MPP4: variants seen among roughly 807,000 people sequenced by gnomAD.
MPP4 encodes the protein MAGUK p55 subfamily member 4.
Under a neutral mutation model 98.3 loss-of-function variants are expected in MPP4, and 91 were observed. The observed-to-expected ratio is 0.93, with a 90% CI of 0.78 to 1.10. The LOEUF (loss-of-function observed/expected upper bound fraction) is 1.10. MPP4 is among the 50% of genes least tolerant of loss of function. MPP4 has a pLI of 0.00. For missense variants in MPP4, 744 were observed against 792.9 expected, an observed-to-expected ratio of 0.94 and a Z score of 0.74; for synonymous variants, 261 against 271.8, an observed-to-expected ratio of 0.96 and a Z score of 0.39.
intron 1 of MPP4, among the ~76,000 whole-genome samples, chr2:201,695,446 C>T (rs148870326): frequency 1.9e-4 from 29 of 152,278 alleles, no homozygotes; most frequent in African/African-American, 5.5e-4. Flanking sequence ...TGAATCCAGA[C>T]GCCAACTTTT....
At chr2:201,685,361 C>T (rs931552776) in intron 6 of MPP4, among the ~76,000 whole-genome samples, 11 of 152,174 alleles carry the variant, frequency 7.2e-5, no homozygotes, top group Non-Finnish European at 1.3e-4. Flanking sequence ...GACGGAGGGG[C>T]CACACAGTGC....
At chr2:201,694,176 G>A (rs551524694) in intron 1 of MPP4, 122 bp from the exon 2 acceptor site, 8 of 913,174 alleles carry the variant, frequency 8.8e-6, no homozygotes, top group South Asian at 7.4e-5. Flanking sequence ...CACCAGTGGC[G>A]TGAAAGAGAA....
chr2:201,656,348 G>T lies in MPP4; in HGVS notation c.1150C>A (p.Arg384Ser), dbSNP rs141592467. The change falls in exon 17 of 22, where the codon CGC (arginine) becomes AGC (serine). Residue 384 changes from arginine (R) to serine (S), a missense_variant. Arg to Ser is a moderately radical substitution (Grantham distance 110). Transcript: ENST00000409474. The part of the protein sequence containing the change: ...FFIAGFRRSM[R>S]LCRRKSHLSP... The stretch of plus-strand genomic sequence containing the variant: ...AGGTGAGACTTCCTGCGACAAAGGC[G>T]CATGCTGCGGCGGAAGCCAGCTAGG... 1.3e-6 allele frequency: 2 copies of T among 1,552,150 alleles called. No homozygotes were observed. The highest frequency in any genetic ancestry group is 1.7e-6 in the Non-Finnish European group (2 of 1,147,304).
At chr2:201,691,323 G>A (rs973786558) in intron 3 of MPP4, among the ~76,000 whole-genome samples, 3 of 151,974 alleles carry the variant, frequency 2.0e-5, no homozygotes, top group African/African-American at 7.3e-5. Flanking sequence ...TCACACTTAA[G>A]TGAAGGAAAT....
intron 1 of MPP4, among the ~76,000 whole-genome samples, chr2:201,695,307 T>C (rs1417684982): frequency 6.6e-6 from 1 of 152,204 alleles, no homozygotes; most frequent in Non-Finnish European, 1.5e-5. Flanking sequence ...AAAATATGCC[T>C]ACTGCTCTTT....
At chr2:201,684,932 A>AGCTT (rs1688775135) in intron 7 of MPP4, 132 bp downstream of exon 7, 1 of 639,202 alleles carries the variant, frequency 1.6e-6, no homozygotes, top group African/African-American at 2.0e-5. Flanking sequence ...TGGGCGACAG[A>AGCTT]GCAAGACTCC....
chr2:201,686,137 C>A, intron 5 of MPP4, 87 bp from the exon 6 acceptor site: 1 of 1,464,338 alleles, frequency 6.8e-7, no homozygotes, highest in Non-Finnish European at 9.2e-7. Flanking sequence ...ATCTAAGACA[C>A]AGCAACAACA....
chr2:201,685,311 C>A (rs1388387613), intron 6 of MPP4, among the ~76,000 whole-genome samples, 166 bp from the exon 7 acceptor site: 2 of 149,746 alleles, frequency 1.3e-5, no homozygotes, highest in African/African-American at 5.0e-5. Context: ...TCAATCAATG[C>A]AGCTCTGGTT....
Position 201,658,501 on chromosome 2 carries a change from C to T in MPP4, c.1105G>A (p.Gly369Ser). 4.3e-6 allele frequency: 7 copies of T among 1,613,030 alleles called. No homozygotes were observed. The highest frequency in any genetic ancestry group is 5.9e-6 in the Non-Finnish European group (7 of 1,179,524). ...ELSEDKEEFV[G>S]YGQKFFIAGF... ...CCTATAAAGAACTTCTGACCGTAGC[C>T]AACAAACTCCTCCTTGTCTGAAACA... is the stretch of plus-strand genomic sequence containing the variant. The change falls in exon 16 of 22, where the codon GGC (glycine) becomes AGC (serine). Residue 369 changes from glycine to serine, a missense_variant. Transcript: ENST00000409474.
rs140962959 is a variant in MPP4, at chr2:201,694,121, T to A, written c.-100-67A>T. ...CCTGTGCTACACACTGGGATACACA[T>A]CAAATGAAACACAGTCTTCCCCTGT... On this transcript the variant is annotated intron_variant, in intron 1 of 21. Transcript: ENST00000409474. 1.7e-4 allele frequency: 246 copies of A among 1,454,078 alleles called. 1 individual carries two copies. In the African/African-American group the frequency reaches 3.2e-3, roughly 19 times the overall value. 90.1% of individuals were successfully genotyped at this position (1,454,078 alleles called of 1,614,324 possible).
At chr2:201,689,141 A>G (rs1381202719) in intron 4 of MPP4, among the ~76,000 whole-genome samples, 2 of 152,080 alleles carry the variant, frequency 1.3e-5, no homozygotes, top group Non-Finnish European at 2.9e-5. Flanking sequence ...CAGCCTGGCC[A>G]AAATGGTGAA....
chr2:201,685,551 C>T (rs1688804636), intron 6 of MPP4, among the ~76,000 whole-genome samples: 2 of 152,182 alleles, frequency 1.3e-5, no homozygotes, highest in Non-Finnish European at 2.9e-5. Flanking sequence ...CAGATTAATG[C>T]CTTCCTTAGC....
chr2:201,680,651 G>C (rs16837990), intron 10 of MPP4, 187 bp downstream of exon 10: 83,272 of 543,060 alleles, frequency 0.15, 6,769 homozygotes, highest in Middle Eastern at 0.18. Flanking sequence ...GATTATTCTC[G>C]TCTCCTTGGT....
chr2:201,664,138 AT>A, intron 13 of MPP4, 37 bp from the exon 14 acceptor site: 1 of 1,529,120 alleles, frequency 6.5e-7, no homozygotes, highest in Admixed American at 2.1e-5. Flanking sequence ...CAAAAATGTT[AT>A]TACATGACCA....
chr2:201,646,724 T>C (rs1420569322), intron 21 of MPP4: 1 of 152,170 alleles, frequency 6.6e-6, no homozygotes. Context: ...CTGTGCTTGC[T>C]TTGGTAGCAC....
chr2:201,660,211 A>G lies in MPP4; in HGVS notation c.1087+121T>C, dbSNP rs1186021943. Reference sequence around the variant, plus strand: ...AATGTAAATATGAGGGGAAAACCATAAACAACAACAAATTCCGTATCTTCA... The same window carrying G: ...AATGTAAATATGAGGGGAAAACCATGAACAACAACAAATTCCGTATCTTCA... On this transcript the variant is annotated intron_variant, in intron 15 of 21. Coordinates refer to ENST00000409474, the MANE Select transcript of MPP4 (RefSeq NM_033066.3). The G allele has an allele frequency of 6.0e-6, 6 of 997,378 alleles. 1 individual carries two copies. Among genetic ancestry groups the G allele is most frequent in the Non-Finnish European group, 9.1e-6 (6 of 656,390 alleles). The allele number at this position is 997,378 out of a possible 1,614,324, so 61.8% of individuals were successfully genotyped here.
intron 1 of MPP4, among the ~76,000 whole-genome samples, chr2:201,696,583 G>T (rs962140342): frequency 1.3e-5 from 2 of 152,176 alleles, no homozygotes; most frequent in African/African-American, 4.8e-5. Flanking sequence ...TTTAATGCCC[G>T]AATGACTGTG....
chr2:201,698,619 T>C lies in MPP4; in HGVS notation c.-133A>G, dbSNP rs745656846. The C allele has an allele frequency of 1.5e-6, 2 of 1,303,378 alleles. No homozygotes were observed. The highest frequency in any genetic ancestry group is 5.6e-5 in the East Asian group (1 of 17,948). The allele number at this position is 1,303,378 out of a possible 1,614,324, so 80.7% of individuals were successfully genotyped here. ...ACTGTAAACATGCATGTTGCTCCTA[T>C]CCAGACAAAAGCTTTAGTAGGATAC... On this transcript the variant is annotated 5_prime_UTR_variant, in exon 1 of 22. Coordinates refer to ENST00000409474, the MANE Select transcript of MPP4 (RefSeq NM_033066.3).
intron 11 of MPP4, 37 bp downstream of exon 11, chr2:201,675,170 A>G: frequency 1.9e-6 from 3 of 1,579,536 alleles, no homozygotes; most frequent in Non-Finnish European, 2.6e-6. Flanking sequence ...TCTTTATTGC[A>G]AACAGGAAGA....
Sources: allele counts gnomAD v4.1 joint callset (sites outside exome capture counted in the v4.1 genomes callset), GRCh38; gene constraint gnomAD v4.1.1; transcripts MANE v1.5; gene names NCBI Gene and HGNC (gene_info 2026-07-23, HGNC 2026-07-21).